The following ADAMTS16 variants were observed in gnomAD, a reference collection of about 807,000 sequenced individuals.
ADAMTS16 encodes the protein ADAM metallopeptidase with thrombospondin type 1 motif 16.
In ADAMTS16, 94 loss-of-function variants were observed where a neutral mutation model predicts 145.8. The ratio of observed to expected loss-of-function variants is 0.64; its 90% CI spans 0.55 to 0.77. The LOEUF is 0.77. Ranked by LOEUF, ADAMTS16 falls within the 30% of genes least tolerant of loss-of-function variation. The pLI, the probability that ADAMTS16 is intolerant of heterozygous loss-of-function variation, is 0.00. For synonymous variants in ADAMTS16, 659 were observed against 604.3 expected (o/e 1.09, Z -1.33); for missense variants, 1,585 against 1,591.5 (o/e 1.00, Z 0.07).
Position 5,146,294 on chromosome 5 carries a change from A to G in ADAMTS16, c.340A>G (p.Thr114Ala), listed in dbSNP as rs754751389. Residue 114 changes from threonine to alanine, a missense_variant, in exon 3 of 23, where the codon ACT becomes GCT. Physicochemically the swap from Thr to Ala is moderately conservative, Grantham distance 58. Around this residue, in one of 3 missense-constraint regions of ADAMTS16, gnomAD observed 453 missense variants for 412.1 expected, o/e 1.10. Coordinates refer to ENST00000274181, the MANE Select transcript of ADAMTS16 (RefSeq NM_139056.4). ...GCACGACTTCCACATGGATCTGAGG[A>G]CTTCCAGCAGCCTAGTGGCTCCTGG... ...SRHDFHMDLRTSSSLVAPGFI... is the reference protein window; with the variant it reads ...SRHDFHMDLRASSSLVAPGFI... 1 of 1,614,164 alleles carries G rather than the reference A, an allele frequency of 6.2e-7. No homozygotes were observed. The highest frequency in any genetic ancestry group is 8.5e-7 in the Non-Finnish European group (1 of 1,180,026).
At chr5:5,243,738 G>A (rs1737361180) in intron 17 of ADAMTS16, among the ~76,000 whole-genome samples, 1 of 152,204 alleles carries the variant, frequency 6.6e-6, no homozygotes, top group Admixed American at 6.5e-5. Flanking sequence ...AGAATGGCCA[G>A]TCGATGATTC....
At chr5:5,175,794 C>T (rs916755234) in intron 3 of ADAMTS16, among the ~76,000 whole-genome samples, 2 of 152,148 alleles carry the variant, frequency 1.3e-5, no homozygotes, top group Admixed American at 1.3e-4. Flanking sequence ...TAGGGCAGCA[C>T]TGAATTCCAA....
At chr5:5,277,121 G>A (rs1056383632) in intron 18 of ADAMTS16, among the ~76,000 whole-genome samples, 1 of 152,186 alleles carries the variant, frequency 6.6e-6, no homozygotes, top group Non-Finnish European at 1.5e-5. Flanking sequence ...TTCAATGACA[G>A]AGTTGGATTG....
intron 3 of ADAMTS16, 66 bp downstream of exon 3, chr5:5,146,521 A>G: frequency 6.8e-7 from 1 of 1,463,276 alleles, no homozygotes. Flanking sequence ...GAGCGTAACC[A>G]GGACTTTCCC....
At chr5:5,185,209 C>T (rs1177661825) in intron 4 of ADAMTS16, among the ~76,000 whole-genome samples, 7 of 150,610 alleles carry the variant, frequency 4.6e-5, no homozygotes, top group South Asian at 4.1e-4. Flanking sequence ...GAAAATGAAA[C>T]GTGTTGGATG....
chr5:5,221,094 G>A (rs147720843), intron 10 of ADAMTS16, among the ~76,000 whole-genome samples: 1 of 152,044 alleles, frequency 6.6e-6, no homozygotes, highest in African/African-American at 2.4e-5. Context: ...CCCAGACATC[G>A]AGCCGGTGTG....
chr5:5,183,646 C>T (rs1002252576), intron 4 of ADAMTS16, among the ~76,000 whole-genome samples: 1 of 152,216 alleles, frequency 6.6e-6, no homozygotes, highest in South Asian at 2.1e-4. Context: ...GCGATCCTTT[C>T]GTTCCTCTCT....
intron 3 of ADAMTS16, among the ~76,000 whole-genome samples, chr5:5,173,336 C>T (rs370618952): frequency 2.7e-5 from 4 of 147,998 alleles, no homozygotes; most frequent in South Asian, 4.5e-4. Context: ...TTCTTTCCTT[C>T]TTGTCTTCCT....
At chr5:5,252,667 A>G (rs1737663601) in intron 17 of ADAMTS16, among the ~76,000 whole-genome samples, 1 of 152,200 alleles carries the variant, frequency 6.6e-6, no homozygotes, top group Non-Finnish European at 1.5e-5. Context: ...TTAAAGTCAA[A>G]ACTTTACCCT....
chr5:5,201,641 A>G (rs1370441779), intron 9 of ADAMTS16, among the ~76,000 whole-genome samples: 1 of 152,202 alleles, frequency 6.6e-6, no homozygotes, highest in Non-Finnish European at 1.5e-5. Flanking sequence ...GCATGCACCA[A>G]TGAAATAATC....
chr5:5,154,436 A>T (rs1734553456), intron 3 of ADAMTS16, among the ~76,000 whole-genome samples: 1 of 152,248 alleles, frequency 6.6e-6, no homozygotes, highest in Non-Finnish European at 1.5e-5. Flanking sequence ...AAATGAATAT[A>T]TTTCATTAGA....
intron 10 of ADAMTS16, among the ~76,000 whole-genome samples, chr5:5,213,982 C>T (rs573706462): frequency 2.6e-5 from 4 of 152,334 alleles, no homozygotes; most frequent in African/African-American, 9.6e-5. Flanking sequence ...GCTGAACAGG[C>T]CTCTACTCTG....
At position 5,269,633 on chromosome 5, in the gene ADAMTS16, G is replaced by A. The variant is rs1738389670; in HGVS notation, c.2789+6850G>A. 6.6e-6 allele frequency among the ~76,000 whole-genome samples: 1 copy of A among 152,224 alleles called. No individual in the cohort carries two copies. The highest frequency in any genetic ancestry group is 6.5e-5 in the Admixed American group (1 of 15,288). The stretch of plus-strand genomic sequence containing the variant: ...CCCATCACAAAGGGCAGATGGTCCC[G>A]AGCCTCTAGAGGAGCCTTTGGAAGT... On this transcript the variant is annotated intron_variant, in intron 18 of 22. Coordinates refer to ENST00000274181, the MANE Select transcript of ADAMTS16 (RefSeq NM_139056.4). This position sits in a 1 kb window ranked among gnomAD's most constrained non-coding sequence, Gnocchi z 4.3.
intron 11 of ADAMTS16, among the ~76,000 whole-genome samples, chr5:5,230,711 T>TCTATGAA (rs1736896240): frequency 6.6e-6 from 1 of 152,170 alleles, no homozygotes; most frequent in South Asian, 2.1e-4. Context: ...CCTTTCTGAG[T>TCTATGAA]CTATGAACTT....
intron 8 of ADAMTS16, among the ~76,000 whole-genome samples, chr5:5,196,190 A>T (rs1315398220): frequency 7.1e-6 from 1 of 140,594 alleles, no homozygotes; most frequent in East Asian, 2.1e-4. Flanking sequence ...GTGAGCCGAG[A>T]TCACGCCACC....
chr5:5,168,906 T>C lies in ADAMTS16; in HGVS notation c.502-13138T>C, dbSNP rs188021357. 1.5e-3 allele frequency among the ~76,000 whole-genome samples: 231 copies of C among 151,324 alleles called. 2 individuals are homozygous for C. In the Middle Eastern group the frequency reaches 0.017, roughly 11 times the overall value. Reference sequence around the variant, plus strand: ...CTGGGTCAGGAGTATCCTAACACATTGAATCTGGGATAGCCCCTGAGCCCC... The same window carrying C: ...CTGGGTCAGGAGTATCCTAACACATCGAATCTGGGATAGCCCCTGAGCCCC... On this transcript the variant is annotated intron_variant, in intron 3 of 22. Transcript: ENST00000274181.
intron 9 of ADAMTS16, among the ~76,000 whole-genome samples, chr5:5,202,389 A>G (rs1735982862): frequency 6.6e-6 from 1 of 152,222 alleles, no homozygotes; most frequent in African/African-American, 2.4e-5. Context: ...AAAAAATTAT[A>G]TTACCAAAAA....
intron 3 of ADAMTS16, among the ~76,000 whole-genome samples, chr5:5,152,739 A>C (rs1734508368): frequency 6.6e-6 from 1 of 152,224 alleles, no homozygotes; most frequent in Admixed American, 6.5e-5. Flanking sequence ...GGTTTATTAA[A>C]ATGTTTTTCA....
chr5:5,297,141 A>G (rs78261497), intron 18 of ADAMTS16, among the ~76,000 whole-genome samples: 3,403 of 152,310 alleles, frequency 0.022, 122 homozygotes, highest in African/African-American at 0.078. Context: ...TGGTAAATGC[A>G]ATCAATGCTG....
Sources: gnomAD v4.1 joint callset for allele counts (sites outside exome capture counted in the v4.1 genomes callset) on GRCh38, gnomAD v4.1.1 for gene constraint, gnomAD v4.1.1 regional missense constraint, Gnocchi (gnomAD v3.1) non-coding constraint, MANE v1.5 for transcripts, NCBI Gene and HGNC (gene_info 2026-07-23, HGNC 2026-07-21) for gene names.